Variants in SETD9 observed in about 807,000 individuals in gnomAD.
The protein encoded by SETD9 is SET domain-containing protein 9.
A neutral mutation model predicts 36.4 loss-of-function variants in SETD9; 37 were observed. The ratio of observed to expected loss-of-function variants is 1.02; its 90% confidence interval spans 0.78 to 1.34. The LOEUF (loss-of-function observed/expected upper bound fraction) is 1.34, where lower values mean the gene tolerates loss of function less well. Ranked by LOEUF, SETD9 falls within the 40% of genes most tolerant of loss-of-function variation. The pLI, the probability that SETD9 is intolerant of heterozygous loss-of-function variation, is 0.00. For missense variants in SETD9, 323 were observed against 353.2 expected (o/e 0.91, Z 0.69); for synonymous variants, 128 against 132.9 (o/e 0.96, Z 0.26).
chr5:56,912,380 T>G, intron 2 of SETD9: 1 of 411,650 alleles, frequency 2.4e-6, no homozygotes, highest in Non-Finnish European at 3.3e-6. Flanking sequence ...TTGAGTCAGA[T>G]AGACCCAGGT....
downstream of SETD9, among the ~76,000 whole-genome samples, chr5:56,918,942 A>C (rs1367610237): frequency 6.6e-6 from 1 of 152,198 alleles, no homozygotes; most frequent in African/African-American, 2.4e-5. Context: ...ACTACGGTCA[A>C]ACTATGAATC....
intron 5 of SETD9, chr5:56,923,509 G>A: frequency 1.2e-6 from 2 of 1,614,164 alleles, no homozygotes; most frequent in Non-Finnish European, 1.7e-6. Context: ...GGGGTGTGTT[G>A]CCCAGTGGAG....
chr5:56,923,217 C>T lies in SETD9; in HGVS notation c.813-2116C>T, dbSNP rs554057814. 2 of 1,614,066 alleles carry T rather than the reference C, an allele frequency of 1.2e-6. No homozygotes were observed. Among genetic ancestry groups the T allele is most frequent in the East Asian group, 4.5e-5 (2 of 44,866 alleles). Reference sequence around the variant, plus strand: ...TTGGCAGAGAGACTGCCAAAGTCAGCCACAGAAACAGCCATTTTGGCACTG... The same window carrying T: ...TTGGCAGAGAGACTGCCAAAGTCAGTCACAGAAACAGCCATTTTGGCACTG... On this transcript the variant is annotated intron_variant, in intron 5 of 5. Transcript: ENST00000628593.
chr5:56,917,349 T>G, downstream of SETD9: 1 of 979,920 alleles, frequency 1.0e-6, no homozygotes, highest in Non-Finnish European at 1.2e-6. Flanking sequence ...CATGAGTAAA[T>G]TGGTGTGTCT....
intron 4 of SETD9, 29 bp downstream of exon 4, chr5:56,914,018 G>A: frequency 6.7e-7 from 1 of 1,494,398 alleles, no homozygotes. Flanking sequence ...GCTGTGAGAT[G>A]AGATATATCA....
downstream of SETD9, chr5:56,917,448 C>A: frequency 1.9e-6 from 1 of 518,420 alleles, no homozygotes; most frequent in Non-Finnish European, 2.5e-6. Context: ...CATTTTCACA[C>A]CAAAGAAAAG....
chr5:56,916,372 A>G (rs1363319432), intron 5 of SETD9, among the ~76,000 whole-genome samples: 2 of 152,236 alleles, frequency 1.3e-5, no homozygotes, highest in Admixed American at 6.5e-5. Flanking sequence ...AGCCTGGGTG[A>G]CAGAGTGAGA....
intron 1 of SETD9, chr5:56,910,013 G>A: frequency 7.4e-7 from 1 of 1,354,714 alleles, no homozygotes; most frequent in Non-Finnish European, 9.6e-7. Flanking sequence ...CTTCAGGTGG[G>A]CGGGGCCTAT....
chr5:56,916,644 T>C (rs1018559883), intron 5 of SETD9, among the ~76,000 whole-genome samples, 171 bp from the exon 6 acceptor site: 1 of 152,196 alleles, frequency 6.6e-6, no homozygotes, highest in Non-Finnish European at 1.5e-5. Flanking sequence ...ATATACTCTT[T>C]AGAATACCTG....
downstream of SETD9, chr5:56,917,415 T>A: frequency 1.4e-6 from 1 of 710,994 alleles, no homozygotes; most frequent in Non-Finnish European, 1.7e-6. Flanking sequence ...AGGTCATTAT[T>A]ACTATTTTCT....
At chr5:56,911,675 C>G in intron 2 of SETD9, 139 bp downstream of exon 2, 8 of 941,048 alleles carry the variant, frequency 8.5e-6, no homozygotes, top group Non-Finnish European at 1.2e-5. Flanking sequence ...TTTTGCAATT[C>G]TAATTCGGAA....
In SETD9 at chr5:56,909,954, C is replaced by G. The variant is rs887032408; in HGVS notation, c.98+211C>G. On this transcript the variant is annotated intron_variant, in intron 1 of 5. Transcript: ENST00000285947. ...AACGCGGGCCAGAGGCGGGCGGGGC[C>G]GAGGTTGGTGGAGTCCGAGGCCCGC... 17 of 1,175,284 alleles carry G rather than the reference C, an allele frequency of 1.4e-5. No individual in the cohort carries two copies. The African/African-American group carries it at 1.9e-4, about 13-fold the overall frequency. 72.8% of individuals were successfully genotyped at this position (1,175,284 alleles called of 1,614,324 possible). A position where few individuals can be genotyped will look rare whatever the true frequency, so the allele number is the denominator to read the frequency against.
upstream of SETD9, chr5:56,909,317 G>A: frequency 4.2e-6 from 1 of 236,074 alleles, no homozygotes; most frequent in Non-Finnish European, 8.2e-6. Context: ...CTCGGGGGCG[G>A]GTTCGCCCCT....
chr5:56,917,038 G>GTTGATA lies in SETD9; in HGVS notation c.*139_*144dup. The GTTGATA allele has an allele frequency of 1.5e-6, 2 of 1,337,754 alleles. No individual in the cohort carries two copies. The highest frequency in any genetic ancestry group is 1.9e-6 in the Non-Finnish European group (2 of 1,049,568). 82.9% of individuals were successfully genotyped at this position (1,337,754 alleles called of 1,614,324 possible). ...TGGAATAGGAATTTCTTATGTTTTT[G>GTTGATA]TTGATATTATATTTATGTTCCAATT... On this transcript the variant is annotated 3_prime_UTR_variant, in exon 6 of 6. Transcript: ENST00000285947.
downstream of SETD9, among the ~76,000 whole-genome samples, chr5:56,926,340 T>C (rs1397686343): frequency 5.9e-5 from 9 of 151,910 alleles, no homozygotes; most frequent in Admixed American, 5.9e-4. Flanking sequence ...TTGCAAAACA[T>C]GTATCTAATA....
intron 5 of SETD9, among the ~76,000 whole-genome samples, chr5:56,924,430 G>A (rs1749858330): frequency 6.6e-6 from 1 of 152,142 alleles, no homozygotes. Context: ...CCCCTGAGGG[G>A]TCCATAAATG....
chr5:56,918,825 A>C (rs536388407), downstream of SETD9, among the ~76,000 whole-genome samples: 40 of 152,358 alleles, frequency 2.6e-4, no homozygotes, highest in South Asian at 7.9e-3. Flanking sequence ...TAAAAATGGA[A>C]CTACATAAAG....
At chr5:56,909,546 G>C (rs571108410), upstream of SETD9, 914 of 853,722 alleles carry the variant, frequency 1.1e-3, no homozygotes, top group Non-Finnish European at 1.5e-3. Context: ...GCCAGGGGAA[G>C]GCGGCCGAGC....
intron 2 of SETD9, among the ~76,000 whole-genome samples, 167 bp from the exon 3 acceptor site, chr5:56,912,844 C>A (rs184008680): frequency 6.6e-6 from 1 of 152,200 alleles, no homozygotes; most frequent in African/African-American, 2.4e-5. Flanking sequence ...TTCTGTTTTG[C>A]TGTGTGGATG....
Sources: gnomAD v4.1 joint callset for allele counts (sites outside exome capture counted in the v4.1 genomes callset) on GRCh38, gnomAD v4.1.1 for gene constraint, MANE v1.5 for transcripts, NCBI Gene and HGNC (gene_info 2026-07-23, HGNC 2026-07-21) for gene names.